Variants in TTLL8 observed in about 807,000 individuals in gnomAD.
TTLL8 encodes protein monoglycylase TTLL8.
In TTLL8, 65 loss-of-function variants were observed where a neutral mutation model predicts 77.8. The ratio of observed to expected loss-of-function variants is 0.84; its 90% CI spans 0.68 to 1.03. TTLL8 has a LOEUF of 1.03. Among genes scored for constraint, TTLL8 ranks in the 50% least tolerant of loss-of-function variants. The pLI, the probability that TTLL8 is intolerant of heterozygous loss-of-function variation, is 0.00. For synonymous variants in TTLL8, 402 were observed against 422.8 expected (o/e 0.95, Z 0.60); for missense variants, 910 against 1,004.5 (o/e 0.91, Z 1.27).
intron 12 of TTLL8, among the ~76,000 whole-genome samples, chr22:50,027,163 G>A (rs1239852114): frequency 6.6e-6 from 1 of 151,334 alleles, no homozygotes; most frequent in African/African-American, 2.4e-5. Flanking sequence ...TTGAACCCAG[G>A]AGGTGGATGT....
upstream of TTLL8, among the ~76,000 whole-genome samples, chr22:50,054,787 G>A (rs1470147879): frequency 6.6e-6 from 1 of 152,260 alleles, no homozygotes; most frequent in Non-Finnish European, 1.5e-5. Flanking sequence ...GCTAGGCGCA[G>A]TCACTCATGC....
At chr22:50,055,213 C>G (rs755209132), upstream of TTLL8, 7 of 1,285,174 alleles carry the variant, frequency 5.4e-6, no homozygotes, top group Admixed American at 2.4e-5. Flanking sequence ...CCCTCCCCAC[C>G]GAGTCCCAAG....
chr22:50,049,536 G>T (rs544293550), intron 2 of TTLL8, among the ~76,000 whole-genome samples: 1 of 152,168 alleles, frequency 6.6e-6, no homozygotes, highest in Non-Finnish European at 1.5e-5. Flanking sequence ...AGCGTCCACC[G>T]CACAGCACCT....
chr22:50,057,508 C>CT (rs2061484663), upstream of TTLL8, among the ~76,000 whole-genome samples: 1 of 70,970 alleles, frequency 1.4e-5, no homozygotes, highest in South Asian at 4.4e-4. Context: ...GGGGTCAGGT[C>CT]TGGGTTGGGG....
At chr22:50,031,039 G>T in intron 11 of TTLL8, 114 bp from the exon 13 acceptor site, 1 of 990,884 alleles carries the variant, frequency 1.0e-6, no homozygotes, top group Non-Finnish European at 1.3e-6. Context: ...ACCTGACTCA[G>T]GAGTGAACAG....
At position 50,041,210 on chromosome 22, in the gene TTLL8, G is replaced by A. The variant is rs549011411; in HGVS notation, c.898C>T (p.Pro300Ser). ...ACCTGCCTGTCTCGGGCTGTGGGGG[G>A]CTCAAATGACATCATAACCTTCTGG... is the stretch of plus-strand genomic sequence containing the variant. Residue 300 changes from proline to serine, a missense_variant, in exon 8 of 14, where the codon CCC becomes TCC. Transcript: ENST00000266182. This position sits in a 1 kb window ranked among gnomAD's most constrained non-coding sequence, Gnocchi z 4.3. 1 of 466,334 alleles carries A rather than the reference G, an allele frequency of 2.1e-6. No homozygotes were observed. Among genetic ancestry groups the A allele is most frequent in the Non-Finnish European group, 4.2e-6 (1 of 235,766 alleles). The allele number at this position is 466,334 out of a possible 1,614,324, so 28.9% of individuals were successfully genotyped here. A position where few individuals can be genotyped will look rare whatever the true frequency, so the allele number is the denominator to read the frequency against.
At chr22:50,055,587 G>A (rs1189375492), upstream of TTLL8, among the ~76,000 whole-genome samples, 2 of 151,760 alleles carry the variant, frequency 1.3e-5, no homozygotes, top group East Asian at 1.9e-4. Flanking sequence ...TCCAGGAGGC[G>A]GAGGTTGTGG....
At position 50,023,039 on chromosome 22, in the gene TTLL8, T is replaced by C. The variant is rs185989941; in HGVS notation, c.2204-6477A>G. ...TTAGCAACAAACCAGAACCAAGAGG[T>C]GAATTTACCAACACGTCAGGACACA... is the stretch of plus-strand genomic sequence containing the variant. On this transcript the variant is annotated intron_variant, in intron 12 of 13. Transcript: ENST00000266182. Among the ~76,000 whole-genome samples, 798 of 148,162 alleles carry C rather than the reference T, an allele frequency of 5.4e-3. 6 individuals carry two copies. The highest frequency in any genetic ancestry group is 0.02 in the African/African-American group (770 of 39,192).
At chr22:50,019,531 A>G (rs927879728) in intron 12 of TTLL8, among the ~76,000 whole-genome samples, 6 of 151,956 alleles carry the variant, frequency 3.9e-5, no homozygotes, top group African/African-American at 1.5e-4. Context: ...CTCTTGAATC[A>G]CTCACTGGAG....
At chr22:50,047,296 A>G in exon 4 of TTLL8, 4 of 1,367,444 alleles carry the variant, frequency 2.9e-6, no homozygotes, top group Non-Finnish European at 3.9e-6. Flanking sequence ...ACCAACCTAG[A>G]CTGGCAAGAA....
chr22:50,030,561 T>C, exon 12 of TTLL8: 1 of 1,314,320 alleles, frequency 7.6e-7, no homozygotes, highest in Non-Finnish European at 1.0e-6. Flanking sequence ...GACACCGGTG[T>C]TTGGGGCCTG....
In TTLL8 at chr22:50,041,873, G is replaced by A. The variant is rs1250578571; in HGVS notation, c.644-66C>T. 5.5e-6 allele frequency: 7 copies of A among 1,273,930 alleles called. No individual in the cohort carries two copies. The highest frequency in any genetic ancestry group is 1.5e-5 in the African/African-American group (1 of 64,592). 78.9% of individuals were successfully genotyped at this position (1,273,930 alleles called of 1,614,324 possible). On this transcript the variant is annotated intron_variant, in intron 6 of 13. Coordinates refer to ENST00000266182, the Ensembl canonical transcript of TTLL8. This position sits in a 1 kb window ranked among gnomAD's most constrained non-coding sequence, Gnocchi z 4.3. ...CAGGGGCAGCCCTGCCCGCCTCGAG[G>A]GGTGATGTCTAAAGTCATGGACAAA...
At chr22:50,048,490 C>A (rs1017568143) in intron 3 of TTLL8, among the ~76,000 whole-genome samples, 33 of 152,140 alleles carry the variant, frequency 2.2e-4, no homozygotes, top group Admixed American at 6.5e-5. Context: ...CAGCACCCAG[C>A]CACACTGCCC....
intron 10 of TTLL8, among the ~76,000 whole-genome samples, chr22:50,032,478 T>C (rs949538794): frequency 6.6e-6 from 1 of 152,210 alleles, no homozygotes; most frequent in Non-Finnish European, 1.5e-5. Flanking sequence ...TCGTAGCCCC[T>C]GGCCAGCTCC....
chr22:50,039,358 C>A (rs962643859), intron 8 of TTLL8, among the ~76,000 whole-genome samples: 1 of 151,856 alleles, frequency 6.6e-6, no homozygotes. Flanking sequence ...GCCTGTAATC[C>A]CAGCACTAAC....
chr22:50,042,007 G>A (rs577284534), intron 6 of TTLL8, among the ~76,000 whole-genome samples, 200 bp from the exon 9 acceptor site: 3 of 152,310 alleles, frequency 2.0e-5, no homozygotes, highest in East Asian at 1.9e-4. Context: ...TGGATGTCAC[G>A]CCTGTGTCTG....
rs778884638 is a variant in TTLL8, at chr22:50,034,389, A to C, written c.995T>G (p.Ile332Ser). The C allele has an allele frequency of 2.6e-5, 35 of 1,367,036 alleles. No individual in the cohort carries two copies. Among genetic ancestry groups the C allele is most frequent in the Non-Finnish European group, 3.4e-5 (35 of 1,021,828 alleles). The allele number at this position is 1,367,036 out of a possible 1,614,324, so 84.7% of individuals were successfully genotyped here. A position where few individuals can be genotyped will look rare whatever the true frequency, so the allele number is the denominator to read the frequency against. ...CCGGGACTTGGCCGCGGGCTTTATA[A>C]TCCAGATGTTCCGGAGCCCGTCAAT... Residue 332 changes from isoleucine (I) to serine (S), a missense_variant, in exon 9 of 14, where the codon ATT (isoleucine) becomes AGT (serine). Ile to Ser is a moderately radical substitution (Grantham distance 142, BLOSUM62 -2). This residue lies in a region of TTLL8 where 776 missense variants were observed against 926.1 expected (regional missense o/e 0.84). Transcript: ENST00000266182. This position sits in a 1 kb window ranked among gnomAD's most constrained non-coding sequence, Gnocchi z 4.1.
At position 50,041,989 on chromosome 22, in the gene TTLL8, A is replaced by T. The variant is rs1175178525; in HGVS notation, c.644-182T>A. On this transcript the variant is annotated intron_variant, in intron 6 of 13. Transcript: ENST00000266182. The surrounding 1 kb of genome is among the most constrained non-coding windows in gnomAD (Gnocchi z 4.3). ...AATACCCAACCAAGCTTCTCTGGGC[A>T]ACCGCCCTGGATGTCACGCCTGTGT... Among the ~76,000 whole-genome samples the T allele has an allele frequency of 2.0e-5, 3 of 152,210 alleles. No individual in the cohort carries two copies. In the South Asian group the frequency reaches 6.2e-4, roughly 31 times the overall value.
At chr22:50,047,225 G>C (rs1569232547) in exon 4 of TTLL8, 1 of 1,367,688 alleles carries the variant, frequency 7.3e-7, no homozygotes, top group African/African-American at 1.5e-5. Context: ...CGTAGGTCAG[G>C]CTGTGATAGT....
Sources: gnomAD v4.1 joint callset for allele counts (sites outside exome capture counted in the v4.1 genomes callset) on GRCh38, gnomAD v4.1.1 for gene constraint, gnomAD v4.1.1 regional missense constraint, Gnocchi (gnomAD v3.1) non-coding constraint, MANE v1.5 for transcripts, NCBI Gene and HGNC (gene_info 2026-07-23, HGNC 2026-07-21) for gene names.